Variants in CLGN observed in about 807,000 individuals in gnomAD.
The protein encoded by CLGN is calmegin.
A neutral mutation model predicts 79.1 loss-of-function variants in CLGN; 62 were observed. The observed-to-expected ratio is 0.78, with a 90% CI of 0.64 to 0.97. The LOEUF (loss-of-function observed/expected upper bound fraction) is 0.97. Ranked by LOEUF, CLGN falls within the 50% of genes least tolerant of loss-of-function variation. The pLI is 0.00. For missense variants in CLGN, 647 were observed against 715.5 expected (o/e 0.90, Z 1.09); for synonymous variants, 225 against 224.7 (o/e 1.00, Z -0.01).
In CLGN at chr4:140,409,823, A is replaced by G. The variant is rs1002306230; in HGVS notation, c.277+14T>C. 1 of 1,534,958 alleles carries G rather than the reference A, an allele frequency of 6.5e-7. No individual in the cohort carries two copies. Among genetic ancestry groups the G allele is most frequent in the Non-Finnish European group, 9.0e-7 (1 of 1,114,506 alleles). On this transcript the variant is annotated intron_variant, in intron 4 of 14. Coordinates refer to ENST00000325617, the MANE Select transcript of CLGN (RefSeq NM_004362.3). ...CCATACTGGTTATATCTAATACTTA[A>G]ATAAATATTTTACCATCGTATATTG...
intron 1 of CLGN, among the ~76,000 whole-genome samples, chr4:140,418,241 T>C (rs1352597339): frequency 6.6e-6 from 1 of 151,782 alleles, no homozygotes; most frequent in Non-Finnish European, 1.5e-5. Context: ...CCTAAAACCA[T>C]AAAAACCCTA....
intron 2 of CLGN, among the ~76,000 whole-genome samples, chr4:140,412,262 C>T (rs77527242): frequency 0.016 from 2,501 of 152,168 alleles, 36 homozygotes; most frequent in Non-Finnish European, 0.026. Context: ...TTATTCCCTT[C>T]GGCCCTTCAA....
At chr4:140,426,074 A>G (rs17005878) in intron 1 of CLGN, among the ~76,000 whole-genome samples, 13,703 of 152,176 alleles carry the variant, frequency 0.09, 986 homozygotes, top group African/African-American at 0.2. Context: ...GTGTTTGACA[A>G]TCACCTATTA....
chr4:140,398,965 A>G lies in CLGN; in HGVS notation c.770T>C (p.Val257Ala). 6.2e-7 allele frequency: 1 copy of G among 1,613,872 alleles called. No homozygotes were observed. The highest frequency in any genetic ancestry group is 8.5e-7 in the Non-Finnish European group (1 of 1,179,814). Residue 257 changes from valine to alanine, a missense_variant, in exon 8 of 15, where the codon GTG becomes GCG. Physicochemically the swap from Val to Ala is moderately conservative, Grantham distance 64 (BLOSUM62 0). Transcript: ENST00000325617. ...VVNKGSLLED[V>A]VPPIKPPKEI... is the part of the protein sequence containing the mutation. Reference sequence around the variant, plus strand: ...TTTGGGAGGTTTGATAGGAGGAACCACATCCTCTAGGAGGCTTCCTTTGTT... The same window carrying G: ...TTTGGGAGGTTTGATAGGAGGAACCGCATCCTCTAGGAGGCTTCCTTTGTT...
chr4:140,418,027 G>T (rs1389891669), intron 1 of CLGN, among the ~76,000 whole-genome samples: 1 of 152,108 alleles, frequency 6.6e-6, no homozygotes, highest in African/African-American at 2.4e-5. Flanking sequence ...GAACAAAACA[G>T]AGCCCTCAGA....
At position 140,389,303 on chromosome 4, in the gene CLGN, A is replaced by G. The variant is rs979855864; in HGVS notation, c.1754T>C (p.Met585Thr). ...QSNKSGSEDE[M>T]KEADESTGSG... ...TCCTGTGCTCTCATCTGCTTCTTTC[A>G]TCTAGAAAAAATAATTATGAAAAGG... is the stretch of plus-strand genomic sequence containing the variant. Residue 585 changes from methionine (M) to threonine (T), a missense_variant and splice_region_variant, in exon 15 of 15, where the codon ATG becomes ACG. Met to Thr is a moderately conservative substitution (Grantham distance 81). Coordinates refer to ENST00000325617, the MANE Select transcript of CLGN (RefSeq NM_004362.3). 58 of 1,610,800 alleles carry G rather than the reference A, an allele frequency of 3.6e-5. No individual in the cohort carries two copies. Among genetic ancestry groups the G allele is most frequent in the Non-Finnish European group, 4.8e-5 (57 of 1,177,894 alleles).
chr4:140,414,016 G>C (rs537766067), intron 1 of CLGN, among the ~76,000 whole-genome samples: 5 of 152,068 alleles, frequency 3.3e-5, no homozygotes, highest in East Asian at 3.9e-4. Flanking sequence ...ATCTGAGAAC[G>C]GGCAGACTGC....
At chr4:140,408,675 A>G (rs1325058722) in intron 4 of CLGN, among the ~76,000 whole-genome samples, 1 of 151,914 alleles carries the variant, frequency 6.6e-6, no homozygotes, top group African/African-American at 2.4e-5. Context: ...TCAAAAAACA[A>G]TTGGCATGGA....
At chr4:140,414,142 G>A (rs553598038) in intron 1 of CLGN, among the ~76,000 whole-genome samples, 217 of 152,308 alleles carry the variant, frequency 1.4e-3, no homozygotes, top group African/African-American at 5.0e-3. Context: ...TGAGGGTCCT[G>A]TCTGTTAGAA....
At chr4:140,407,628 G>A (rs1408849592) in intron 4 of CLGN, among the ~76,000 whole-genome samples, 2 of 150,234 alleles carry the variant, frequency 1.3e-5, no homozygotes, top group Non-Finnish European at 3.0e-5. Context: ...CTTAACAGAG[G>A]TGAAAGATCT....
intron 1 of CLGN, among the ~76,000 whole-genome samples, chr4:140,414,814 G>A (rs1169672174): frequency 1.3e-5 from 2 of 150,348 alleles, no homozygotes; most frequent in East Asian, 1.9e-4. Flanking sequence ...AATCTAGCAA[G>A]GCAGGCCAAC....
rs1177135846 is a variant in CLGN, at chr4:140,389,175, T to C, written c.*49A>G. The C allele has an allele frequency of 6.7e-7, 1 of 1,500,148 alleles. No individual in the cohort carries two copies. Among genetic ancestry groups the C allele is most frequent in the Admixed American group, 1.7e-5 (1 of 59,630 alleles). The allele number at this position is 1,500,148 out of a possible 1,614,324, so 92.9% of individuals were successfully genotyped here. A position where few individuals can be genotyped will look rare whatever the true frequency, so the allele number is the denominator to read the frequency against. On this transcript the variant is annotated 3_prime_UTR_variant, in exon 15 of 15. Coordinates refer to ENST00000325617, the MANE Select transcript of CLGN (RefSeq NM_004362.3). ...AAGTTCAGGTCTGGCATGCTGATTT[T>C]TACAATGCCAAACATCCCTCTCGGG...
chr4:140,392,746 A>T, intron 11 of CLGN, 35 bp from the exon 12 acceptor site: 1 of 1,534,722 alleles, frequency 6.5e-7, no homozygotes, highest in East Asian at 2.3e-5. Flanking sequence ...TGCAATTCAA[A>T]TTTTACAAAC....
chr4:140,399,085 C>A, intron 7 of CLGN, 45 bp from the exon 8 acceptor site: 1 of 1,475,046 alleles, frequency 6.8e-7, no homozygotes, highest in African/African-American at 1.4e-5. Flanking sequence ...TTTTGATATA[C>A]GCTTTAAAGA....
chr4:140,404,219 G>A (rs914206133), intron 5 of CLGN, among the ~76,000 whole-genome samples: 5 of 151,394 alleles, frequency 3.3e-5, no homozygotes, highest in African/African-American at 1.2e-4. Context: ...TCAGCCTCCC[G>A]AGTAGCTGGG....
intron 4 of CLGN, among the ~76,000 whole-genome samples, chr4:140,409,146 A>AT (rs1022278908): frequency 3.9e-5 from 6 of 152,038 alleles, no homozygotes; most frequent in Non-Finnish European, 8.8e-5. Flanking sequence ...CCACATGTTT[A>AT]TGAGTATGAG....
intron 4 of CLGN, among the ~76,000 whole-genome samples, chr4:140,408,665 T>G (rs939089728): frequency 6.6e-6 from 1 of 151,694 alleles, no homozygotes; most frequent in Non-Finnish European, 1.5e-5. Context: ...TATTAAAAAG[T>G]CAAAAAACAA....
chr4:140,423,846 T>C (rs1729514667), intron 1 of CLGN, among the ~76,000 whole-genome samples: 1 of 152,218 alleles, frequency 6.6e-6, no homozygotes, highest in East Asian at 1.9e-4. Context: ...ATCCCTCTTA[T>C]TTCTGTAGAA....
intron 11 of CLGN, among the ~76,000 whole-genome samples, chr4:140,393,590 G>A (rs976403076): frequency 1.2e-4 from 18 of 152,066 alleles, no homozygotes; most frequent in African/African-American, 4.3e-4. Flanking sequence ...TCCCATTAGT[G>A]ATGTTATAAT....
Sources: allele counts gnomAD v4.1 joint callset (sites outside exome capture counted in the v4.1 genomes callset), GRCh38; gene constraint gnomAD v4.1.1; transcripts MANE v1.5; gene names NCBI Gene and HGNC (gene_info 2026-07-23, HGNC 2026-07-21).